Variants in PCDH15 observed in about 807,000 individuals in gnomAD.
PCDH15 encodes the protein protocadherin related 15, also known as protocadherin-15.
A neutral mutation model predicts 178.5 loss-of-function variants in PCDH15; 129 were observed. The observed-to-expected ratio is 0.72, with a 90% CI of 0.63 to 0.84. The LOEUF is 0.84. Ranked by LOEUF, PCDH15 falls within the 40% of genes least tolerant of loss-of-function variation. PCDH15 has a pLI of 0.00. For missense variants in PCDH15, 2,230 were observed against 2,099.9 expected (o/e 1.06, Z -1.21); for synonymous variants, 800 against 732.0 (o/e 1.09, Z -1.50).
chr10:54,068,418 T>A (rs1467022528), intron 17 of PCDH15, among the ~76,000 whole-genome samples: 1 of 152,146 alleles, frequency 6.6e-6, no homozygotes, highest in Non-Finnish European at 1.5e-5. Context: ...ACAAAGATGG[T>A]CAGAACATCA....
intron 3 of PCDH15, among the ~76,000 whole-genome samples, chr10:54,421,914 A>ATATATATATATATACAC (rs1955538257): frequency 4.8e-5 from 1 of 20,670 alleles, no homozygotes; most frequent in Non-Finnish European, 1.3e-4. Flanking sequence ...TATATACACT[A>ATATATATATATATACAC]TATATATATA....
At chr10:55,128,097 G>A (rs1837948625) in intron 2 of PCDH15, among the ~76,000 whole-genome samples, 1 of 151,538 alleles carries the variant, frequency 6.6e-6, no homozygotes, top group South Asian at 2.1e-4. Flanking sequence ...GCTTCCAACT[G>A]GAAGCCACTT....
intron 1 of PCDH15, among the ~76,000 whole-genome samples, chr10:54,722,927 C>A (rs1941879263): frequency 6.6e-6 from 1 of 151,712 alleles, no homozygotes; most frequent in Non-Finnish European, 1.5e-5. Flanking sequence ...ATCCTATGCT[C>A]ATGGATTGGA....
At chr10:55,203,688 A>G (rs1387061167) in intron 1 of PCDH15, among the ~76,000 whole-genome samples, 1 of 152,140 alleles carries the variant, frequency 6.6e-6, no homozygotes, top group Admixed American at 6.5e-5. Flanking sequence ...AAATAGAGAT[A>G]AATATTTTCC....
chr10:55,388,982 T>C (rs553823747), intron 2 of PCDH15, among the ~76,000 whole-genome samples: 42 of 152,242 alleles, frequency 2.8e-4, no homozygotes, highest in African/African-American at 9.6e-4. Context: ...AATCACCTCA[T>C]TGAATGAAGG....
chr10:55,231,134 T>G (rs1006565006), intron 1 of PCDH15, among the ~76,000 whole-genome samples: 3 of 151,992 alleles, frequency 2.0e-5, no homozygotes. Context: ...CTCTGAGAAA[T>G]ATGGTGTTTT....
intron 3 of PCDH15, among the ~76,000 whole-genome samples, chr10:54,443,156 CT>C (rs1354579687): frequency 6.6e-6 from 1 of 151,640 alleles, no homozygotes; most frequent in African/African-American, 2.4e-5. Context: ...TGTTTCCAGC[CT>C]TTATGAAAAT....
chr10:54,972,626 T>G (rs10763159), intron 2 of PCDH15, among the ~76,000 whole-genome samples: 59,534 of 151,702 alleles, frequency 0.39, 13,024 homozygotes, highest in East Asian at 0.67. Context: ...AAGGCAGGCA[T>G]ATCACGAGGT....
intron 1 of PCDH15, among the ~76,000 whole-genome samples, chr10:55,182,124 G>C (rs1166739590): frequency 6.6e-6 from 1 of 151,842 alleles, no homozygotes; most frequent in African/African-American, 2.4e-5. Flanking sequence ...GCATTCTGAG[G>C]TTTTCTAGCA....
chr10:54,750,095 T>G (rs78934101), intron 1 of PCDH15, among the ~76,000 whole-genome samples: 2 of 152,000 alleles, frequency 1.3e-5, no homozygotes, highest in African/African-American at 4.8e-5. Flanking sequence ...CCTTGCTCTG[T>G]CTCTCTTTCT....
chr10:55,545,686 C>T (rs1479528604), intron 2 of PCDH15, among the ~76,000 whole-genome samples: 1 of 152,208 alleles, frequency 6.6e-6, no homozygotes, highest in African/African-American at 2.4e-5. Context: ...GCTGGGATTA[C>T]AGGCACCAGC....
chr10:55,234,799 T>C (rs1235388615), intron 1 of PCDH15, among the ~76,000 whole-genome samples: 2 of 152,066 alleles, frequency 1.3e-5, no homozygotes, highest in Non-Finnish European at 2.9e-5. Flanking sequence ...CACATAATTT[T>C]ACCTAATTAT....
At chr10:54,217,628 G>A (rs1314255436) in intron 9 of PCDH15, among the ~76,000 whole-genome samples, 1 of 152,136 alleles carries the variant, frequency 6.6e-6, no homozygotes, top group Non-Finnish European at 1.5e-5. Flanking sequence ...TCAGGTTGTA[G>A]TTTATCTTAA....
At chr10:55,171,279 T>C (rs1839325393) in intron 1 of PCDH15, among the ~76,000 whole-genome samples, 1 of 152,252 alleles carries the variant, frequency 6.6e-6, no homozygotes, top group African/African-American at 2.4e-5. Context: ...TTCTACTCTG[T>C]ATAAATAGCA....
intron 1 of PCDH15, among the ~76,000 whole-genome samples, chr10:55,167,036 T>G (rs2132119142): frequency 6.6e-6 from 1 of 152,336 alleles, no homozygotes; most frequent in Middle Eastern, 3.4e-3. Flanking sequence ...TATATGATGT[T>G]TTATGATATG....
At chr10:54,682,872 A>G (rs943302951) in intron 1 of PCDH15, among the ~76,000 whole-genome samples, 3 of 152,192 alleles carry the variant, frequency 2.0e-5, no homozygotes, top group Admixed American at 6.6e-5. Context: ...CAGAGAAATT[A>G]AAAGATTTGT....
intron 17 of PCDH15, among the ~76,000 whole-genome samples, chr10:54,078,510 T>C (rs1329075458): frequency 1.3e-5 from 2 of 151,916 alleles, no homozygotes; most frequent in Non-Finnish European, 2.9e-5. Flanking sequence ...TTAAATTGAG[T>C]GAGCCTTGCT....
At chr10:53,822,400 G>T in intron 32 of PCDH15, 1 of 1,573,338 alleles carries the variant, frequency 6.4e-7, no homozygotes, top group South Asian at 1.1e-5. Flanking sequence ...GGACAAAAAA[G>T]AGAAAAAGGA....
intron 3 of PCDH15, among the ~76,000 whole-genome samples, chr10:54,384,849 A>T (rs1206620437): frequency 2.0e-5 from 3 of 152,172 alleles, no homozygotes; most frequent in African/African-American, 7.2e-5. Flanking sequence ...TATTAGTTAA[A>T]ACTCAAGCAA....
Sources: allele counts gnomAD v4.1 joint callset (sites outside exome capture counted in the v4.1 genomes callset), GRCh38; gene constraint gnomAD v4.1.1; transcripts MANE v1.5; gene names NCBI Gene and HGNC (gene_info 2026-07-23, HGNC 2026-07-21).